Variants in PHF20 observed in about 807,000 individuals in gnomAD.
The protein encoded by PHF20 is glioma-expressed antigen 2.
A neutral mutation model predicts 113.5 loss-of-function variants in PHF20; 23 were observed. That is an observed-to-expected ratio of 0.20 (90% CI 0.15 to 0.29). The LOEUF is 0.29. PHF20 is among the 10% of genes least tolerant of loss of function. The probability of loss-of-function intolerance (pLI) is 1.00; values close to 1 mark genes in which losing one functional copy is unlikely to be tolerated. For missense variants in PHF20, 943 were observed against 1,219.6 expected (o/e 0.77, Z 3.38); for synonymous variants, 434 against 457.3 (o/e 0.95, Z 0.65).
intron 2 of PHF20, among the ~76,000 whole-genome samples, chr20:35,816,744 G>A (rs1286394507): frequency 6.6e-6 from 1 of 151,566 alleles, no homozygotes; most frequent in Non-Finnish European, 1.5e-5. Context: ...GAGCCACTGC[G>A]CCCGGCCGAT....
intron 9 of PHF20, among the ~76,000 whole-genome samples, chr20:35,884,415 T>C (rs146509220): frequency 6.6e-6 from 1 of 152,266 alleles, no homozygotes; most frequent in African/African-American, 2.4e-5. Context: ...AACCTAACTC[T>C]GGCATTTGGG....
In PHF20 at chr20:35,941,027, C is replaced by G; in HGVS notation, c.2876C>G (p.Ser959Cys). The G allele has an allele frequency of 6.2e-7, 1 of 1,613,482 alleles. No homozygotes were observed. The highest frequency in any genetic ancestry group is 2.2e-5 in the East Asian group (1 of 44,874). The change falls in exon 17 of 18, where the codon TCC (serine) becomes TGC (cysteine). Residue 959 changes from serine (S) to cysteine (C), a missense_variant. This residue lies in a region of PHF20 where 349 missense variants were observed against 412.3 expected (regional missense o/e 0.85). Transcript: ENST00000374012. ...GATGAAGTTACGCACAGGATGGACT[C>G]CATTGAGAAGGAGTTGGATGGTAGG... The part of the protein sequence containing the change: ...LQDEVTHRMD[S>C]IEKELDVLES...
At chr20:35,869,321 A>G in intron 6 of PHF20, 117 bp from the exon 7 acceptor site, 1 of 510,018 alleles carries the variant, frequency 2.0e-6, no homozygotes, top group East Asian at 3.5e-5. Flanking sequence ...TTGATGGCCC[A>G]TTTATAATGC....
chr20:35,925,552 G>A (rs2055612267), intron 13 of PHF20, among the ~76,000 whole-genome samples: 1 of 152,076 alleles, frequency 6.6e-6, no homozygotes, highest in Admixed American at 6.6e-5. Flanking sequence ...ACAGGCATGA[G>A]CCACTGTGCT....
rs751803907 is a variant in PHF20 at position 35,919,336 on chromosome 20, AT to A, written c.2004+1695del. ...CTGGCAAAATATTTTTGTTATGGTAATTTTTTTTTTTTTTTTTTTTTGAGAC... is the reference window on the plus strand; with the variant it reads ...CTGGCAAAATATTTTTGTTATGGTAATTTTTTTTTTTTTTTTTTTTGAGAC... On this transcript the variant is annotated intron_variant, in intron 13 of 17. Transcript: ENST00000374012. 1.6e-3 allele frequency among the ~76,000 whole-genome samples: 179 copies of A among 112,612 alleles called. 1 individual carries two copies. The highest frequency in any genetic ancestry group is 2.3e-3 in the Admixed American group (24 of 10,594). The allele number at this position is 112,612 out of a possible 152,430, so 73.9% of individuals were successfully genotyped here. A position where few individuals can be genotyped will look rare whatever the true frequency, so the allele number is the denominator to read the frequency against.
intron 13 of PHF20, among the ~76,000 whole-genome samples, chr20:35,925,346 G>A (rs1325451276): frequency 6.7e-6 from 1 of 149,614 alleles, no homozygotes; most frequent in African/African-American, 2.5e-5. Context: ...TGCAACCTCC[G>A]CCTCCTAGGT....
At chr20:35,896,119 GTT>G (rs1223919107) in intron 9 of PHF20, among the ~76,000 whole-genome samples, 2 of 150,020 alleles carry the variant, frequency 1.3e-5, no homozygotes, top group Non-Finnish European at 3.0e-5. Flanking sequence ...GTGTGTATAG[GTT>G]TTTGTTGGTT....
intron 17 of PHF20, among the ~76,000 whole-genome samples, chr20:35,946,054 C>T (rs2056077916): frequency 6.6e-6 from 1 of 152,144 alleles, no homozygotes; most frequent in African/African-American, 2.4e-5. Context: ...GCCTGTAATA[C>T]CATCTCCTCA....
At position 35,864,407 on chromosome 20, in the gene PHF20, A is replaced by AACACACACAC. The variant is rs376477234; in HGVS notation, c.808+1043_808+1052dup. Among the ~76,000 whole-genome samples the AACACACACAC allele has an allele frequency of 5.1e-3, 680 of 132,506 alleles. 9 individuals carry two copies. Among genetic ancestry groups the AACACACACAC allele is most frequent in the Middle Eastern group, 0.033 (9 of 274 alleles). 86.9% of individuals were successfully genotyped at this position (132,506 alleles called of 152,430 possible). A position where few individuals can be genotyped will look rare whatever the true frequency, so the allele number is the denominator to read the frequency against. On this transcript the variant is annotated intron_variant, in intron 6 of 17. Coordinates refer to ENST00000374012, the MANE Select transcript of PHF20 (RefSeq NM_016436.5). ...ACAATGTAGTGACACCCCATCTCAA[A>AACACACACAC]ACACACACACACACACACACACACA...
chr20:35,878,538 C>A, intron 9 of PHF20: 1 of 674,804 alleles, frequency 1.5e-6, no homozygotes, highest in African/African-American at 1.8e-5. Context: ...GCTAAAGAGG[C>A]ACCATTCGTA....
At chr20:35,902,300 G>A (rs1336400857) in intron 10 of PHF20, among the ~76,000 whole-genome samples, 1 of 152,172 alleles carries the variant, frequency 6.6e-6, no homozygotes, top group Admixed American at 6.5e-5. Context: ...AGCAGGTGCT[G>A]GATATCGTAA....
At chr20:35,809,233 G>C (rs1017480008) in intron 2 of PHF20, among the ~76,000 whole-genome samples, 1 of 151,180 alleles carries the variant, frequency 6.6e-6, no homozygotes, top group Admixed American at 6.6e-5. Flanking sequence ...GGGCGACAGA[G>C]CAAAGCTCTG....
intron 2 of PHF20, among the ~76,000 whole-genome samples, chr20:35,816,347 A>G (rs1314060291): frequency 6.6e-6 from 1 of 152,188 alleles, no homozygotes; most frequent in East Asian, 1.9e-4. Flanking sequence ...CAATATTACT[A>G]TTAACAAGTA....
chr20:35,793,086 C>T (rs1241767588), intron 1 of PHF20, among the ~76,000 whole-genome samples: 3 of 152,088 alleles, frequency 2.0e-5, no homozygotes, highest in Admixed American at 6.6e-5. Context: ...ATCACTGGAC[C>T]GGCTAAAATT....
At chr20:35,811,906 G>GACTACA (rs1436796555) in intron 2 of PHF20, among the ~76,000 whole-genome samples, 3 of 151,940 alleles carry the variant, frequency 2.0e-5, no homozygotes, top group Non-Finnish European at 4.4e-5. Context: ...GAGTAGCTGG[G>GACTACA]ACTACAGGCA....
intron 2 of PHF20, among the ~76,000 whole-genome samples, chr20:35,817,451 T>G (rs2042096193): frequency 6.6e-6 from 1 of 151,928 alleles, no homozygotes; most frequent in Non-Finnish European, 1.5e-5. Flanking sequence ...CCTCCCAAAG[T>G]GCTGGGATTA....
Position 35,939,102 on chromosome 20 carries a change from CCCAAAGGTATGTGGCTG to C in PHF20, c.2709_2712+13del. On this transcript the variant is annotated splice_donor_variant and splice_donor_5th_base_variant and coding_sequence_variant and intron_variant, in exon 16 of 18. Transcript: ENST00000374012. LOFTEE classifies it high-confidence loss of function. ...GGGACAGTGACCCCAAACCCGGCTC[CCCAAAGGTATGTGGCTG>C]CCTTGTACTTGTTCTTCATTCATTG... 1 of 1,601,526 alleles carries C rather than the reference CCCAAAGGTATGTGGCTG, an allele frequency of 6.2e-7. No homozygotes were observed. Among genetic ancestry groups the C allele is most frequent in the Non-Finnish European group, 8.5e-7 (1 of 1,172,874 alleles).
chr20:35,911,244 A>C (rs6058360), intron 10 of PHF20, among the ~76,000 whole-genome samples: 1 of 152,004 alleles, frequency 6.6e-6, no homozygotes, highest in Non-Finnish European at 1.5e-5. Context: ...GGGTTTTACC[A>C]TGTTAGCCAG....
chr20:35,911,037 T>C (rs915277422), intron 10 of PHF20, among the ~76,000 whole-genome samples: 1 of 152,006 alleles, frequency 6.6e-6, no homozygotes, highest in Non-Finnish European at 1.5e-5. Flanking sequence ...TGTTCGTACC[T>C]TTTTTTCTAT....
Sources: gnomAD v4.1 joint callset for allele counts (sites outside exome capture counted in the v4.1 genomes callset) on GRCh38, gnomAD v4.1.1 for gene constraint, gnomAD v4.1.1 regional missense constraint, MANE v1.5 for transcripts, NCBI Gene and HGNC (gene_info 2026-07-23, HGNC 2026-07-21) for gene names.